Variants in LRRC7 observed in about 807,000 individuals in gnomAD.
The protein encoded by LRRC7 is leucine rich repeat containing 7.
Under a neutral mutation model 175.7 loss-of-function variants are expected in LRRC7, and 23 were observed. The observed-to-expected ratio is 0.13, with a 90% CI of 0.09 to 0.19. The LOEUF is 0.19. Among genes scored for constraint, LRRC7 ranks in the 10% least tolerant of loss-of-function variants. The probability of loss-of-function intolerance (pLI) is 1.00; values close to 1 mark genes in which losing one functional copy is unlikely to be tolerated. For missense variants in LRRC7, 1,354 were observed against 1,904.7 expected, an observed-to-expected ratio of 0.71 and a Z score of 5.38; for synonymous variants, 685 against 680.9, an observed-to-expected ratio of 1.01 and a Z score of -0.09.
At chr1:69,586,380 AG>A (rs1353343156) in intron 1 of LRRC7, among the ~76,000 whole-genome samples, 1 of 152,024 alleles carries the variant, frequency 6.6e-6, no homozygotes, top group Non-Finnish European at 1.5e-5. Context: ...TCATTTTGGC[AG>A]GGGGTGGGGC....
At chr1:70,043,806 C>A in intron 21 of LRRC7, 148 bp from the exon 22 acceptor site, 1 of 831,390 alleles carries the variant, frequency 1.2e-6, no homozygotes, top group Non-Finnish European at 1.8e-6. Context: ...TTACTGTATG[C>A]TTCTGTCTGA....
chr1:69,595,312 C>T (rs138567537), intron 1 of LRRC7, among the ~76,000 whole-genome samples: 3,075 of 152,118 alleles, frequency 0.02, 106 homozygotes, highest in African/African-American at 0.069. Context: ...CCCAGCTACT[C>T]GGGAGGCTGA....
At chr1:69,783,824 T>C (rs931740777) in intron 3 of LRRC7, among the ~76,000 whole-genome samples, 1 of 151,458 alleles carries the variant, frequency 6.6e-6, no homozygotes, top group Non-Finnish European at 1.5e-5. Context: ...AATAAATCCT[T>C]ACTTCATATC....
intron 11 of LRRC7, among the ~76,000 whole-genome samples, chr1:70,007,911 C>T (rs1656130932): frequency 6.6e-6 from 1 of 152,094 alleles, no homozygotes; most frequent in East Asian, 1.9e-4. Flanking sequence ...TGTCAGCATT[C>T]CCATGGGCAA....
intron 2 of LRRC7, among the ~76,000 whole-genome samples, chr1:69,696,855 A>T (rs1662658424): frequency 6.6e-6 from 1 of 152,228 alleles, no homozygotes; most frequent in Non-Finnish European, 1.5e-5. Context: ...CCAGAAGCAG[A>T]TGCTGGCACC....
At chr1:69,571,405 CT>C (rs1391319458) in intron 1 of LRRC7, among the ~76,000 whole-genome samples, 1 of 152,064 alleles carries the variant, frequency 6.6e-6, no homozygotes, top group African/African-American at 2.4e-5. Flanking sequence ...AGAACATAAG[CT>C]TAAAGTGTTT....
intron 7 of LRRC7, chr1:69,919,360 G>A: frequency 3.3e-6 from 2 of 607,906 alleles, no homozygotes; most frequent in South Asian, 4.1e-5. Flanking sequence ...AGGAAAGATG[G>A]CGGACGAGGA....
rs150501878 is a variant in LRRC7, at chr1:69,591,058, AGAT to A, written c.2+22426_2+22428del. Among the ~76,000 whole-genome samples, 906 of 152,270 alleles carry A rather than the reference AGAT, an allele frequency of 5.9e-3. 12 individuals are homozygous for A. The highest frequency in any genetic ancestry group is 0.02 in the African/African-American group (846 of 41,570). On this transcript the variant is annotated intron_variant, in intron 1 of 26. Transcript: ENST00000651989. ...ACACATAAAGTTTAATTTTCGATAA[AGAT>A]GATGATGAATTGAAATTGGAAAAAT...
chr1:69,949,626 A>T (rs781020951), intron 8 of LRRC7, among the ~76,000 whole-genome samples: 6 of 152,136 alleles, frequency 3.9e-5, no homozygotes, highest in Non-Finnish European at 7.4e-5. Context: ...CTTTTATTTA[A>T]TCTATAACCT....
chr1:69,710,601 C>T (rs1027448394), intron 2 of LRRC7, among the ~76,000 whole-genome samples: 2 of 152,088 alleles, frequency 1.3e-5, no homozygotes, highest in African/African-American at 2.4e-5. Context: ...CTTGAAGAAT[C>T]TTGGTTTTGT....
intron 2 of LRRC7, among the ~76,000 whole-genome samples, chr1:69,692,494 A>C (rs1662012689): frequency 6.6e-6 from 1 of 152,172 alleles, no homozygotes; most frequent in South Asian, 2.1e-4. Context: ...CCCAGATATC[A>C]ATCCCTACTT....
chr1:69,836,829 A>G (rs1258405849), intron 6 of LRRC7, among the ~76,000 whole-genome samples: 11 of 151,806 alleles, frequency 7.2e-5, no homozygotes, highest in Non-Finnish European at 1.5e-4. Flanking sequence ...TATTTCATAT[A>G]CAGATTAATC....
At chr1:69,664,960 C>T (rs984970729) in intron 1 of LRRC7, among the ~76,000 whole-genome samples, 2 of 152,026 alleles carry the variant, frequency 1.3e-5, no homozygotes, top group Admixed American at 6.5e-5. Context: ...GTCTTTAATC[C>T]ATTTTGATTT....
At chr1:69,979,231 C>G (rs1479063999) in intron 8 of LRRC7, among the ~76,000 whole-genome samples, 1 of 152,080 alleles carries the variant, frequency 6.6e-6, no homozygotes, top group Non-Finnish European at 1.5e-5. Flanking sequence ...TAATCATCTC[C>G]CAAAGTGGTA....
intron 3 of LRRC7, among the ~76,000 whole-genome samples, chr1:69,788,957 G>C (rs906063661): frequency 6.6e-6 from 1 of 152,162 alleles, no homozygotes; most frequent in Non-Finnish European, 1.5e-5. Context: ...CCCGCACTTA[G>C]CATAGTGTCT....
At chr1:69,727,899 C>G (rs1212366350) in intron 2 of LRRC7, among the ~76,000 whole-genome samples, 1 of 152,082 alleles carries the variant, frequency 6.6e-6, no homozygotes, top group Non-Finnish European at 1.5e-5. Flanking sequence ...TTTATGGAAG[C>G]TCTGAGTGTG....
chr1:69,686,032 A>G (rs1661097859), intron 2 of LRRC7, among the ~76,000 whole-genome samples: 2 of 152,162 alleles, frequency 1.3e-5, no homozygotes, highest in Admixed American at 6.6e-5. Flanking sequence ...CATTACATAT[A>G]AAGAAGCATC....
chr1:69,910,822 G>C (rs956085884), intron 7 of LRRC7, among the ~76,000 whole-genome samples: 3 of 152,238 alleles, frequency 2.0e-5, no homozygotes, highest in Admixed American at 6.5e-5. Flanking sequence ...GAGGCAGGCA[G>C]GCCTCCTTGA....
chr1:69,917,008 A>AG (rs1461758998), intron 7 of LRRC7, among the ~76,000 whole-genome samples: 16 of 152,194 alleles, frequency 1.1e-4, no homozygotes, highest in African/African-American at 3.9e-4. Flanking sequence ...CATTACAGGC[A>AG]GGAGCAACAG....
Sources: gnomAD v4.1 joint callset for allele counts (sites outside exome capture counted in the v4.1 genomes callset) on GRCh38, gnomAD v4.1.1 for gene constraint, MANE v1.5 for transcripts, NCBI Gene and HGNC (gene_info 2026-07-23, HGNC 2026-07-21) for gene names.